GTF2IRD1: variants seen among roughly 807,000 people sequenced by gnomAD.
GTF2IRD1 encodes the protein general transcription factor II-I repeat domain-containing protein 1.
GTF2IRD1 carries 26 observed loss-of-function variants against 113.2 expected under a neutral mutation model. That is an observed-to-expected ratio of 0.23 (90% confidence interval 0.17 to 0.32). GTF2IRD1 has a LOEUF of 0.32. Ranked by LOEUF, GTF2IRD1 falls within the 10% of genes least tolerant of loss-of-function variation. The probability of loss-of-function intolerance (pLI) is 1.00; values close to 1 mark genes in which losing one functional copy is unlikely to be tolerated. For synonymous variants in GTF2IRD1, 484 were observed against 529.1 expected (o/e 0.91, Z 1.17); for missense variants, 864 against 1,280.8 (o/e 0.67, Z 4.97).
Position 74,538,687 on chromosome 7 carries a change from C to A in GTF2IRD1, c.1455C>A (p.Ser485=). ...TTCCTTTCCTCCTTGCAGGAACCTC[C>A]GGGGAGCTGGGCGGGCTGAGGCCGA... is the stretch of plus-strand genomic sequence containing the variant. ...SMSEDCGPGT[S]GELGGLRPIK... The change falls in exon 13 of 27, where the codon TCC becomes TCA. Residue 485 remains serine, a synonymous_variant. Transcript: ENST00000424337. 2 of 1,592,056 alleles carry A rather than the reference C, an allele frequency of 1.3e-6. No homozygotes were observed. Among genetic ancestry groups the A allele is most frequent in the Non-Finnish European group, 1.7e-6 (2 of 1,159,910 alleles).
At chr7:74,463,762 C>T (rs552170288) in intron 1 of GTF2IRD1, among the ~76,000 whole-genome samples, 253 of 150,798 alleles carry the variant, frequency 1.7e-3, no homozygotes, top group Admixed American at 2.6e-3. Context: ...CTCACTCTGT[C>T]GCCCAGGCTG....
chr7:74,506,412 T>G (rs1352375220), intron 1 of GTF2IRD1: 1 of 152,140 alleles, frequency 6.6e-6, no homozygotes, highest in Non-Finnish European at 1.5e-5. Flanking sequence ...CCTGGTGCCC[T>G]TTGTGGTGCC....
intron 1 of GTF2IRD1, among the ~76,000 whole-genome samples, chr7:74,487,761 T>C (rs1308097980): frequency 1.3e-5 from 2 of 152,208 alleles, no homozygotes. Context: ...ATACAGCAAA[T>C]CTGTGGCAAT....
At chr7:74,579,314 TTTTGAA>T (rs1378483178) in intron 22 of GTF2IRD1, among the ~76,000 whole-genome samples, 1 of 151,942 alleles carries the variant, frequency 6.6e-6, no homozygotes, top group East Asian at 1.9e-4. Context: ...AAAAAATTTT[TTTTGAA>T]AAGGAAGAGG....
rs151145128 is a variant in GTF2IRD1, at chr7:74,520,913, G to A, written c.917-295G>A. On this transcript the variant is annotated intron_variant, in intron 6 of 26. Transcript: ENST00000424337. ...AAGGGGGAAAAAAGCCCAAATATGT[G>A]GGCTGACCAGGGCTTCGAACTTATA... is the stretch of plus-strand genomic sequence containing the variant. Among the ~76,000 whole-genome samples the A allele has an allele frequency of 2.2e-4, 33 of 148,378 alleles. No individual in the cohort carries two copies. In the East Asian group the frequency reaches 6.1e-3, roughly 28 times the overall value.
intron 1 of GTF2IRD1, among the ~76,000 whole-genome samples, chr7:74,459,616 A>T (rs2116878981): frequency 6.6e-6 from 1 of 152,246 alleles, no homozygotes; most frequent in Admixed American, 6.5e-5. Context: ...TTGTGTGCCC[A>T]CCTGTCACCC....
intron 2 of GTF2IRD1, among the ~76,000 whole-genome samples, chr7:74,510,619 C>T (rs889157692): frequency 2.0e-5 from 3 of 151,968 alleles, no homozygotes; most frequent in East Asian, 3.9e-4. Context: ...CATTTAAATT[C>T]GAATTCGTTA....
At chr7:74,471,687 AAAC>A (rs1562776443) in intron 1 of GTF2IRD1, among the ~76,000 whole-genome samples, 11 of 74,052 alleles carry the variant, frequency 1.5e-4, no homozygotes, top group Admixed American at 1.8e-4. Flanking sequence ...AAAAAAAAAA[AAAC>A]AAAAAAAAAA....
chr7:74,596,882 G>T (rs1802449040), intron 25 of GTF2IRD1, among the ~76,000 whole-genome samples: 1 of 152,000 alleles, frequency 6.6e-6, no homozygotes, highest in Non-Finnish European at 1.5e-5. Context: ...AGGGTGGTAT[G>T]GCTGTGGACC....
intron 8 of GTF2IRD1, 87 bp downstream of exon 8, chr7:74,524,241 G>T: frequency 1.1e-6 from 1 of 872,550 alleles, no homozygotes; most frequent in African/African-American, 1.7e-5. Flanking sequence ...TCCCCAACAC[G>T]GCAGCGGGAG....
chr7:74,574,151 T>A (rs7791937), intron 22 of GTF2IRD1, among the ~76,000 whole-genome samples: 419 of 37,674 alleles, frequency 0.011, 1 homozygote, highest in African/African-American at 0.027. Flanking sequence ...ACCAAGCTAA[T>A]TTTTTTTTTT....
chr7:74,473,885 G>A (rs766596252), intron 1 of GTF2IRD1, among the ~76,000 whole-genome samples: 10 of 152,076 alleles, frequency 6.6e-5, no homozygotes, highest in Non-Finnish European at 1.5e-4. Context: ...TCAGGAGTTC[G>A]AGACCAGCCT....
At chr7:74,510,759 A>G (rs1158632635) in intron 2 of GTF2IRD1, among the ~76,000 whole-genome samples, 7 of 151,990 alleles carry the variant, frequency 4.6e-5, no homozygotes, top group Non-Finnish European at 8.8e-5. Context: ...AGAAAGTTAC[A>G]CTGGGTTGGC....
At chr7:74,527,226 T>C (rs372306294) in intron 8 of GTF2IRD1, among the ~76,000 whole-genome samples, 2 of 152,292 alleles carry the variant, frequency 1.3e-5, no homozygotes, top group East Asian at 3.9e-4. Flanking sequence ...CGGTGGCTCA[T>C]GCCTGTAATC....
At chr7:74,548,912 AC>A (rs1317393095) in intron 17 of GTF2IRD1, among the ~76,000 whole-genome samples, 1 of 151,936 alleles carries the variant, frequency 6.6e-6, no homozygotes, top group African/African-American at 2.4e-5. Context: ...TTCCTCAAAA[AC>A]AAAAAAAACC....
At chr7:74,556,157 C>G (rs1436934487) in intron 19 of GTF2IRD1, among the ~76,000 whole-genome samples, 1 of 151,194 alleles carries the variant, frequency 6.6e-6, no homozygotes, top group Non-Finnish European at 1.5e-5. Context: ...GAGGCTAAGG[C>G]GGGAGAATCG....
intron 4 of GTF2IRD1, among the ~76,000 whole-genome samples, chr7:74,517,427 C>CTTTTTTTTTTTTTT (rs59499031): frequency 3.9e-5 from 3 of 77,424 alleles, no homozygotes; most frequent in East Asian, 9.1e-4. Context: ...CTCCCTACAC[C>CTTTTTTTTTTTTTT]TTTTTTTTTT....
In GTF2IRD1 at chr7:74,544,812, T is replaced by C. The variant is rs1554352794; in HGVS notation, c.1666+10T>C. The C allele has an allele frequency of 6.2e-7, 1 of 1,609,646 alleles. No homozygotes were observed. The highest frequency in any genetic ancestry group is 8.5e-7 in the Non-Finnish European group (1 of 1,176,112). The stretch of plus-strand genomic sequence containing the variant: ...GAGAGGCCCGTGGAGGGTGAGGCCC[T>C]GTCTACCCCTGACATTTTACACCCA... On this transcript the variant is annotated intron_variant, in intron 15 of 26. Coordinates refer to ENST00000424337, the MANE Select transcript of GTF2IRD1 (RefSeq NM_005685.4).
chr7:74,511,389 G>A (rs980172752), intron 2 of GTF2IRD1, among the ~76,000 whole-genome samples: 20 of 152,220 alleles, frequency 1.3e-4, no homozygotes, highest in African/African-American at 4.1e-4. Context: ...CCATGGTCTC[G>A]GCGTCTTCAG....
Sources: gnomAD v4.1 joint callset for allele counts (sites outside exome capture counted in the v4.1 genomes callset) on GRCh38, gnomAD v4.1.1 for gene constraint, MANE v1.5 for transcripts, NCBI Gene and HGNC (gene_info 2026-07-23, HGNC 2026-07-21) for gene names.